EFNA5: variants seen among roughly 807,000 people sequenced by gnomAD.
EFNA5 encodes the protein ephrin A5.
Under a neutral mutation model 22.9 loss-of-function variants are expected in EFNA5, and 5 were observed. The ratio of observed to expected loss-of-function variants is 0.22; its 90% CI spans 0.11 to 0.46. The LOEUF is 0.46. Among genes scored for constraint, EFNA5 ranks in the 20% least tolerant of loss-of-function variants. EFNA5 has a pLI of 0.99. For synonymous variants in EFNA5, 113 were observed against 112.2 expected, an observed-to-expected ratio of 1.01 and a Z score of -0.04; for missense variants, 237 against 293.3, an observed-to-expected ratio of 0.81 and a Z score of 1.40.
chr5:107,632,405 G>T (rs1750275048), intron 1 of EFNA5, among the ~76,000 whole-genome samples: 1 of 152,098 alleles, frequency 6.6e-6, no homozygotes, highest in African/African-American at 2.4e-5. Context: ...GAATAGTGTG[G>T]ATACATTAGG....
At chr5:107,585,201 T>G (rs1749158156) in intron 1 of EFNA5, among the ~76,000 whole-genome samples, 1 of 152,176 alleles carries the variant, frequency 6.6e-6, no homozygotes, top group Non-Finnish European at 1.5e-5. Flanking sequence ...TGGCAATAAG[T>G]AGGTACAATT....
In EFNA5 at chr5:107,591,937, TATATATTA is replaced by T. The variant is rs1335865428; in HGVS notation, c.125+78544_125+78551del. 5.0e-3 allele frequency among the ~76,000 whole-genome samples: 100 copies of T among 19,974 alleles called. 25 individuals are homozygous for T. The highest frequency in any genetic ancestry group is 0.029 in the African/African-American group (99 of 3,472). 13.1% of individuals were successfully genotyped at this position (19,974 alleles called of 152,430 possible). Reference sequence around the variant, plus strand: ...AAAAATATATATATAATATATAATATATATATTATATATAATATATAATATATATAATA... The same window carrying T: ...AAAAATATATATATAATATATAATATTATATAATATATAATATATATAATA... On this transcript the variant is annotated intron_variant, in intron 1 of 4. Coordinates refer to ENST00000333274, the MANE Select transcript of EFNA5 (RefSeq NM_001962.3).
chr5:107,612,685 C>G (rs982862421), intron 1 of EFNA5, among the ~76,000 whole-genome samples: 1 of 152,136 alleles, frequency 6.6e-6, no homozygotes, highest in Non-Finnish European at 1.5e-5. Flanking sequence ...CAGTGAAGAA[C>G]TGGAACAAAG....
At chr5:107,597,094 C>T (rs1749489648) in intron 1 of EFNA5, among the ~76,000 whole-genome samples, 1 of 152,064 alleles carries the variant, frequency 6.6e-6, no homozygotes, top group South Asian at 2.1e-4. Context: ...ATAAGAACCA[C>T]GCACATAAAA....
At chr5:107,419,068 C>T (rs922563994) in intron 2 of EFNA5, among the ~76,000 whole-genome samples, 2 of 152,218 alleles carry the variant, frequency 1.3e-5, no homozygotes, top group African/African-American at 2.4e-5. Flanking sequence ...CTAGGCGAAG[C>T]CATTACCAGA....
chr5:107,490,033 G>C (rs1746759019), intron 1 of EFNA5, among the ~76,000 whole-genome samples: 1 of 152,186 alleles, frequency 6.6e-6, no homozygotes, highest in African/African-American at 2.4e-5. Flanking sequence ...GGGTACAAGT[G>C]GGGCATGCAG....
intron 1 of EFNA5, among the ~76,000 whole-genome samples, chr5:107,475,427 G>A (rs967703548): frequency 6.6e-6 from 1 of 152,168 alleles, no homozygotes; most frequent in African/African-American, 2.4e-5. Context: ...AACTGCAAAA[G>A]GTTTTGGGAG....
intron 1 of EFNA5, among the ~76,000 whole-genome samples, chr5:107,481,865 A>G: frequency 6.7e-6 from 1 of 149,472 alleles, no homozygotes; most frequent in East Asian, 2.0e-4. Context: ...AAAAAAAAAG[A>G]AAAGAAATGG....
intron 1 of EFNA5, among the ~76,000 whole-genome samples, chr5:107,651,670 C>A (rs200518732): frequency 4.8e-3 from 649 of 136,328 alleles, no homozygotes; most frequent in South Asian, 5.3e-3. Flanking sequence ...GGTTTTTTGG[C>A]AAAAAAAAAA....
At chr5:107,623,298 G>A (rs947408087) in intron 1 of EFNA5, among the ~76,000 whole-genome samples, 1 of 152,094 alleles carries the variant, frequency 6.6e-6, no homozygotes, top group Non-Finnish European at 1.5e-5. Context: ...TTAAGAGTTT[G>A]CATTTGTTTT....
chr5:107,571,197 T>C (rs1748796065), intron 1 of EFNA5, among the ~76,000 whole-genome samples: 1 of 152,204 alleles, frequency 6.6e-6, no homozygotes, highest in Admixed American at 6.5e-5. Context: ...CAGCACCTGC[T>C]GTGGGGTTTC....
intron 2 of EFNA5, among the ~76,000 whole-genome samples, chr5:107,402,663 A>T (rs1426453577): frequency 6.6e-6 from 1 of 152,210 alleles, no homozygotes; most frequent in Non-Finnish European, 1.5e-5. Flanking sequence ...CGCACCTTCC[A>T]TTGATAGCAA....
Position 107,591,974 on chromosome 5 carries a change from A to AT in EFNA5, c.125+78514dup, listed in dbSNP as rs1460347813. On this transcript the variant is annotated intron_variant, in intron 1 of 4. Transcript: ENST00000333274. ...ATAATATATAATATATATAATATAT[A>AT]TAATATATAATATATAATATATATA... 5.5e-4 allele frequency among the ~76,000 whole-genome samples: 20 copies of AT among 36,044 alleles called. 1 individual carries two copies. The highest frequency in any genetic ancestry group is 9.1e-4 in the South Asian group (2 of 2,196). 23.6% of individuals were successfully genotyped at this position (36,044 alleles called of 152,430 possible).
chr5:107,478,481 G>A (rs185240207), intron 1 of EFNA5, among the ~76,000 whole-genome samples: 31 of 152,208 alleles, frequency 2.0e-4, no homozygotes, highest in African/African-American at 6.7e-4. Flanking sequence ...GAGCACACAC[G>A]CAAACACACA....
At position 107,467,407 on chromosome 5, in the gene EFNA5, G is replaced by C. The variant is rs368156251; in HGVS notation, c.126-39898C>G. 4.5e-4 allele frequency among the ~76,000 whole-genome samples: 69 copies of C among 152,246 alleles called. 1 individual carries two copies. The East Asian group carries it at 0.012, about 27-fold the overall frequency. On this transcript the variant is annotated intron_variant, in intron 1 of 4. Transcript: ENST00000333274. ...CACTGGCTAATCTCTCCTTTCAATA[G>C]AGAGAAAGAGCAGGCTTCTGGATCT...
chr5:107,482,876 A>C (rs201238596), intron 1 of EFNA5, among the ~76,000 whole-genome samples: 794 of 56,380 alleles, frequency 0.014, 4 homozygotes, highest in East Asian at 0.035. Flanking sequence ...CTCTCTATAT[A>C]TATATATATA....
intron 1 of EFNA5, among the ~76,000 whole-genome samples, chr5:107,649,715 A>G (rs1420177299): frequency 6.6e-6 from 1 of 152,182 alleles, no homozygotes; most frequent in African/African-American, 2.4e-5. Context: ...TGGTATTTTT[A>G]TATAATAATA....
intron 1 of EFNA5, among the ~76,000 whole-genome samples, chr5:107,609,473 A>C (rs1352202834): frequency 2.0e-5 from 3 of 152,072 alleles, no homozygotes; most frequent in Non-Finnish European, 4.4e-5. Context: ...CGGCAGGAGT[A>C]GTAGATCCAC....
At chr5:107,580,721 CAAAAA>C (rs56868732) in intron 1 of EFNA5, among the ~76,000 whole-genome samples, 1 of 83,690 alleles carries the variant, frequency 1.2e-5, no homozygotes, top group Non-Finnish European at 2.3e-5. Context: ...GACTCCATCT[CAAAAA>C]AAAAAAAAAA....
Sources: gnomAD v4.1 joint callset for allele counts (sites outside exome capture counted in the v4.1 genomes callset) on GRCh38, gnomAD v4.1.1 for gene constraint, MANE v1.5 for transcripts, NCBI Gene and HGNC (gene_info 2026-07-23, HGNC 2026-07-21) for gene names.